PDE4D: variants seen among roughly 807,000 people sequenced by gnomAD.
PDE4D encodes 3',5'-cyclic-AMP phosphodiesterase 4D.
Under a neutral mutation model 87.4 loss-of-function variants are expected in PDE4D, and 24 were observed. The ratio of observed to expected loss-of-function variants is 0.27; its 90% CI spans 0.20 to 0.39. The LOEUF (loss-of-function observed/expected upper bound fraction) is 0.39. Ranked by LOEUF, PDE4D falls within the 10% of genes least tolerant of loss-of-function variation. The probability of loss-of-function intolerance (pLI) is 1.00; values close to 1 mark genes in which losing one functional copy is unlikely to be tolerated. For synonymous variants in PDE4D, 384 were observed against 383.2 expected, an observed-to-expected ratio of 1.00 and a Z score of -0.02; for missense variants, 714 against 1,041.0, an observed-to-expected ratio of 0.69 and a Z score of 4.32.
At chr5:60,423,284 A>G (rs1398422854) in intron 1 of PDE4D, among the ~76,000 whole-genome samples, 2 of 152,248 alleles carry the variant, frequency 1.3e-5, no homozygotes, top group Non-Finnish European at 2.9e-5. Flanking sequence ...AATTGACCAC[A>G]TAATTGGAAG....
intron 3 of PDE4D, among the ~76,000 whole-genome samples, chr5:59,943,035 C>T (rs1427761191): frequency 1.3e-5 from 2 of 152,104 alleles, no homozygotes; most frequent in East Asian, 3.9e-4. Flanking sequence ...TCAAGAGAAA[C>T]CCTAACATAG....
intron 2 of PDE4D, among the ~76,000 whole-genome samples, chr5:60,149,890 ATAT>A (rs1781348655): frequency 6.8e-6 from 1 of 147,508 alleles, no homozygotes; most frequent in African/African-American, 2.5e-5. Context: ...TAACAAGTAC[ATAT>A]TATATATACT....
chr5:60,234,310 G>A (rs755665757), intron 1 of PDE4D, among the ~76,000 whole-genome samples: 22 of 151,624 alleles, frequency 1.5e-4, no homozygotes, highest in South Asian at 4.1e-4. Flanking sequence ...ATACCTCACC[G>A]TATGGATATA....
chr5:59,071,500 T>C (rs1580645903), intron 5 of PDE4D, among the ~76,000 whole-genome samples: 1 of 151,050 alleles, frequency 6.6e-6, no homozygotes, highest in Non-Finnish European at 1.5e-5. Context: ...ACTTATTCTA[T>C]CATGTTTTTA....
At chr5:59,371,566 C>G (rs752694773) in intron 1 of PDE4D, among the ~76,000 whole-genome samples, 18 of 151,966 alleles carry the variant, frequency 1.2e-4, no homozygotes, top group Non-Finnish European at 2.4e-4. Context: ...GATCTTACTG[C>G]GATGTTAAAC....
intron 1 of PDE4D, among the ~76,000 whole-genome samples, chr5:59,648,517 ATTAAT>A (rs1742845010): frequency 6.6e-6 from 1 of 152,212 alleles, no homozygotes; most frequent in African/African-American, 2.4e-5. Flanking sequence ...ATGACTAATT[ATTAAT>A]TTAAAGGTTA....
chr5:60,016,033 G>C lies in PDE4D; in HGVS notation c.43-27316C>G, dbSNP rs1353995806. On this transcript the variant is annotated intron_variant, in intron 2 of 16. Transcript: ENST00000502484. ...CTGTTCTCTCTCTCTCTCTGTGTGT[G>C]TGTGTGTGTGTGTGTGTGTTTGTGT... is the stretch of plus-strand genomic sequence containing the variant. Among the ~76,000 whole-genome samples the C allele has an allele frequency of 5.6e-3, 842 of 151,622 alleles. 11 individuals carry two copies. Among genetic ancestry groups the C allele is most frequent in the African/African-American group, 0.019 (789 of 41,258 alleles).
intron 2 of PDE4D, among the ~76,000 whole-genome samples, chr5:59,207,568 G>A (rs538024360): frequency 1.3e-5 from 2 of 152,010 alleles, no homozygotes; most frequent in African/African-American, 2.4e-5. Flanking sequence ...CATTCTTTTG[G>A]TATGCACTGA....
At chr5:59,387,761 ATACAT>A (rs1787388087) in intron 1 of PDE4D, among the ~76,000 whole-genome samples, 1 of 152,144 alleles carries the variant, frequency 6.6e-6, no homozygotes, top group Non-Finnish European at 1.5e-5. Flanking sequence ...TAATTAATAT[ATACAT>A]TACCTCACAA....
chr5:59,005,853 A>C (rs1751500436), intron 6 of PDE4D, among the ~76,000 whole-genome samples: 1 of 152,210 alleles, frequency 6.6e-6, no homozygotes. Context: ...CTCATCATAT[A>C]ATTAGGCTGA....
At chr5:59,917,093 C>T (rs1754146189) in intron 3 of PDE4D, among the ~76,000 whole-genome samples, 1 of 151,410 alleles carries the variant, frequency 6.6e-6, no homozygotes, top group Admixed American at 6.6e-5. Context: ...TGTGAGCCAC[C>T]ATGCCCGGCC....
intron 1 of PDE4D, among the ~76,000 whole-genome samples, chr5:59,718,458 T>G (rs72751232): frequency 0.2 from 30,368 of 152,040 alleles, 3,391 homozygotes; most frequent in South Asian, 0.26. Flanking sequence ...AAACAGACAT[T>G]TGCTTAAGTA....
chr5:59,164,126 G>C (rs1240978023), intron 5 of PDE4D, among the ~76,000 whole-genome samples: 1 of 152,204 alleles, frequency 6.6e-6, no homozygotes, highest in Non-Finnish European at 1.5e-5. Flanking sequence ...TTGTGACTAA[G>C]ATTGTGTGCA....
chr5:59,561,704 C>G (rs1820019371), intron 1 of PDE4D, among the ~76,000 whole-genome samples: 1 of 151,656 alleles, frequency 6.6e-6, no homozygotes, highest in Non-Finnish European at 1.5e-5. Context: ...CCGAGGCAGG[C>G]AGATCACCTG....
chr5:59,741,160 G>T (rs193067157), intron 1 of PDE4D, among the ~76,000 whole-genome samples: 1 of 152,082 alleles, frequency 6.6e-6, no homozygotes, highest in East Asian at 1.9e-4. Flanking sequence ...AAAGACTACT[G>T]AACTACATCA....
chr5:59,602,158 A>C (rs1010632955), intron 1 of PDE4D, among the ~76,000 whole-genome samples: 2 of 152,132 alleles, frequency 1.3e-5, no homozygotes, highest in African/African-American at 4.8e-5. Flanking sequence ...TAACAGAACA[A>C]AGGACGAAAA....
chr5:59,825,836 AG>A (rs1247562993), intron 1 of PDE4D, among the ~76,000 whole-genome samples: 1 of 152,164 alleles, frequency 6.6e-6, no homozygotes, highest in Non-Finnish European at 1.5e-5. Flanking sequence ...GAGAATCAGC[AG>A]CTGGGAGGAA....
At chr5:59,802,612 T>C (rs1454346170) in intron 1 of PDE4D, among the ~76,000 whole-genome samples, 1 of 152,028 alleles carries the variant, frequency 6.6e-6, no homozygotes, top group East Asian at 1.9e-4. Flanking sequence ...TTAGCCAGGA[T>C]GGTCTCGATC....
chr5:59,158,745 T>C (rs1780595654), intron 5 of PDE4D, among the ~76,000 whole-genome samples: 2 of 152,224 alleles, frequency 1.3e-5, no homozygotes, highest in South Asian at 4.1e-4. Flanking sequence ...GTTAAATTAC[T>C]GACCAAAAAT....
Sources: allele counts gnomAD v4.1 joint callset (sites outside exome capture counted in the v4.1 genomes callset), GRCh38; gene constraint gnomAD v4.1.1; transcripts MANE v1.5; gene names NCBI Gene and HGNC (gene_info 2026-07-23, HGNC 2026-07-21).